The following TMEM117 variants were observed in gnomAD, a reference collection of about 807,000 sequenced individuals.
TMEM117 encodes transmembrane protein 117.
Under a neutral mutation model 52.4 loss-of-function variants are expected in TMEM117, and 27 were observed. The ratio of observed to expected loss-of-function variants is 0.51; its 90% CI spans 0.38 to 0.71. TMEM117 has a LOEUF of 0.71. Ranked by LOEUF, TMEM117 falls within the 30% of genes least tolerant of loss-of-function variation. The pLI, the probability that TMEM117 is intolerant of heterozygous loss-of-function variation, is 0.00. For missense variants in TMEM117, 556 were observed against 630.5 expected (o/e 0.88, Z 1.26); for synonymous variants, 215 against 206.3 (o/e 1.04, Z -0.36).
At chr12:43,820,584 T>A in the TMEM117 span, among the ~76,000 whole-genome samples, 1 of 91,736 alleles carries the variant, frequency 1.1e-5, no homozygotes, top group African/African-American at 4.7e-5. Flanking sequence ...CAGGCGTATT[T>A]TTTTTTTTTT....
At chr12:44,177,817 T>G (rs931910394) in intron 4 of TMEM117, among the ~76,000 whole-genome samples, 2 of 152,126 alleles carry the variant, frequency 1.3e-5, no homozygotes, top group African/African-American at 4.8e-5. Flanking sequence ...CTTCGATGCC[T>G]CCAATAATGG....
intron 3 of TMEM117, among the ~76,000 whole-genome samples, chr12:44,134,429 A>G (rs1005203574): frequency 6.6e-6 from 1 of 152,184 alleles, no homozygotes; most frequent in Non-Finnish European, 1.5e-5. Flanking sequence ...TCCCAGGCTT[A>G]ACAGATTGGT....
At chr12:44,325,532 ATTC>A (rs1309553057) in intron 6 of TMEM117, among the ~76,000 whole-genome samples, 2 of 151,176 alleles carry the variant, frequency 1.3e-5, no homozygotes, top group African/African-American at 2.4e-5. Flanking sequence ...ATTTATATTT[ATTC>A]TTTTTGTGAA....
intron 2 of TMEM117, among the ~76,000 whole-genome samples, chr12:43,862,892 G>A (rs1943513941): frequency 6.6e-6 from 1 of 152,186 alleles, no homozygotes; most frequent in Non-Finnish European, 1.5e-5. Context: ...GCTTGAACCT[G>A]GGAGGCAGAG....
chr12:44,031,494 C>T (rs1946632071), intron 3 of TMEM117, among the ~76,000 whole-genome samples: 1 of 152,170 alleles, frequency 6.6e-6, no homozygotes. Flanking sequence ...ATAAAGGAAA[C>T]AACTTTCAGG....
chr12:43,798,639 ACAT>A, the TMEM117 span: 2 of 1,392,936 alleles, frequency 1.4e-6, no homozygotes, highest in Non-Finnish European at 1.9e-6. Flanking sequence ...AAAAAAAATC[ACAT>A]AAAAAGCCCT....
At chr12:44,382,527 C>A (rs1952034963) in intron 7 of TMEM117, among the ~76,000 whole-genome samples, 1 of 152,164 alleles carries the variant, frequency 6.6e-6, no homozygotes, top group Non-Finnish European at 1.5e-5. Context: ...GTGTCAAAAA[C>A]TAGTTGGTAT....
Position 44,236,542 on chromosome 12 carries a change from GA to G in TMEM117, c.608+25157del, listed in dbSNP as rs1347396442. 2.6e-5 allele frequency among the ~76,000 whole-genome samples: 4 copies of G among 151,914 alleles called. No individual in the cohort carries two copies. In the East Asian group the frequency reaches 5.8e-4, roughly 22 times the overall value. On this transcript the variant is annotated intron_variant, in intron 5 of 7. Coordinates refer to ENST00000266534, the MANE Select transcript of TMEM117 (RefSeq NM_032256.3). ...TTTTATTTCTTGACTTTCTTTCTTAGAATATAATAAGCGTGGTTGTTTAAAT... is the reference window on the plus strand; with the variant it reads ...TTTTATTTCTTGACTTTCTTTCTTAGATATAATAAGCGTGGTTGTTTAAAT...
chr12:43,837,471 T>C (rs1375374000), intron 1 of TMEM117, among the ~76,000 whole-genome samples: 1 of 152,002 alleles, frequency 6.6e-6, no homozygotes, highest in Non-Finnish European at 1.5e-5. Context: ...CTCGGCCTCC[T>C]GAGTAGCTGG....
At chr12:44,114,619 C>G (rs1451914737) in intron 3 of TMEM117, among the ~76,000 whole-genome samples, 1 of 152,130 alleles carries the variant, frequency 6.6e-6, no homozygotes, top group African/African-American at 2.4e-5. Context: ...TCTCTCTGTG[C>G]TTTGTTTTCT....
At position 44,388,885 on chromosome 12, in the gene TMEM117, G is replaced by A. The variant is rs1592736565; in HGVS notation, c.*213G>A. 1.1e-5 allele frequency: 6 copies of A among 562,270 alleles called. No individual in the cohort carries two copies. In the South Asian group the frequency reaches 1.5e-4, roughly 14 times the overall value. 34.8% of individuals were successfully genotyped at this position (562,270 alleles called of 1,614,324 possible). ...ACTGTATACTCAACAGTCCTCTAGA[G>A]ATTGCTTTTCACAATTGCACAAGCT... On this transcript the variant is annotated 3_prime_UTR_variant, in exon 8 of 8. Coordinates refer to ENST00000266534, the MANE Select transcript of TMEM117 (RefSeq NM_032256.3).
intron 3 of TMEM117, among the ~76,000 whole-genome samples, chr12:43,962,110 A>T (rs1486841909): frequency 6.6e-6 from 1 of 152,196 alleles, no homozygotes; most frequent in East Asian, 1.9e-4. Context: ...GTTATACATT[A>T]TCCTTGCTCC....
chr12:44,054,159 CAA>C (rs1316416796), intron 3 of TMEM117, among the ~76,000 whole-genome samples: 1 of 152,128 alleles, frequency 6.6e-6, no homozygotes, highest in East Asian at 1.9e-4. Context: ...CCCTGGGTAT[CAA>C]AGTCATAAGA....
chr12:44,040,314 A>G (rs1294894618), intron 3 of TMEM117, among the ~76,000 whole-genome samples: 2 of 152,158 alleles, frequency 1.3e-5, no homozygotes, highest in African/African-American at 4.8e-5. Context: ...CTGGCTCACA[A>G]AATTCTTAAA....
At chr12:43,952,013 C>G (rs2137637349) in intron 3 of TMEM117, among the ~76,000 whole-genome samples, 1 of 152,234 alleles carries the variant, frequency 6.6e-6, no homozygotes, top group East Asian at 1.9e-4. Flanking sequence ...TGGAGTGGAC[C>G]CCCAGCAAAC....
At chr12:44,022,488 A>T (rs1946470737) in intron 3 of TMEM117, among the ~76,000 whole-genome samples, 1 of 152,196 alleles carries the variant, frequency 6.6e-6, no homozygotes, top group Non-Finnish European at 1.5e-5. Context: ...GAATGAAAAG[A>T]TGTCTCCTTT....
At chr12:44,376,535 T>G in intron 6 of TMEM117, 60 bp from the exon 7 acceptor site, 2 of 1,574,488 alleles carry the variant, frequency 1.3e-6, no homozygotes, top group Non-Finnish European at 1.7e-6. Flanking sequence ...CAATTTTTGG[T>G]GTTTTGCTGC....
chr12:43,972,186 A>G (rs1236161673), intron 3 of TMEM117, among the ~76,000 whole-genome samples: 1 of 152,222 alleles, frequency 6.6e-6, no homozygotes, highest in African/African-American at 2.4e-5. Flanking sequence ...ATACTATGGG[A>G]GAAGACAGCA....
chr12:43,845,460 CAAAAAA>C (rs10677136), intron 2 of TMEM117, among the ~76,000 whole-genome samples: 1 of 37,996 alleles, frequency 2.6e-5, no homozygotes, highest in Non-Finnish European at 5.2e-5. Flanking sequence ...GACTCCATCT[CAAAAAA>C]AAAAAAAAAA....
Sources: allele counts gnomAD v4.1 joint callset (sites outside exome capture counted in the v4.1 genomes callset), GRCh38; gene constraint gnomAD v4.1.1; transcripts MANE v1.5; gene names NCBI Gene and HGNC (gene_info 2026-07-23, HGNC 2026-07-21).